ISOC1: variants seen among roughly 807,000 people sequenced by gnomAD.
ISOC1 encodes isochorismatase domain containing 1, also known as isochorismatase domain-containing protein 1.
In ISOC1, 33 loss-of-function variants were observed where a neutral mutation model predicts 30.0. The ratio of observed to expected loss-of-function variants is 1.10; its 90% CI spans 0.83 to 1.47. ISOC1 has a LOEUF of 1.47. Among genes scored for constraint, ISOC1 ranks in the 40% most tolerant of loss-of-function variants. The probability of loss-of-function intolerance (pLI) is 0.00; values close to 1 mark genes in which losing one functional copy is unlikely to be tolerated. For synonymous variants in ISOC1, 178 were observed against 159.8 expected (o/e 1.11, Z -0.86); for missense variants, 372 against 388.0 (o/e 0.96, Z 0.35).
intron 1 of ISOC1, among the ~76,000 whole-genome samples, chr5:129,099,407 T>C (rs914553494): frequency 1.3e-5 from 2 of 152,202 alleles, no homozygotes; most frequent in Non-Finnish European, 2.9e-5. Context: ...ACTGATAAGC[T>C]AGGGTTGTAA....
chr5:129,107,748 G>T (rs911133699), intron 4 of ISOC1, among the ~76,000 whole-genome samples: 2 of 152,148 alleles, frequency 1.3e-5, no homozygotes, highest in Non-Finnish European at 2.9e-5. Context: ...ATGACTATTA[G>T]ATTTCCTCAG....
intron 1 of ISOC1, among the ~76,000 whole-genome samples, chr5:129,098,624 G>A (rs1268229281): frequency 6.6e-6 from 1 of 152,136 alleles, no homozygotes; most frequent in Non-Finnish European, 1.5e-5. Flanking sequence ...GAGAAGAGAG[G>A]AGGAAATGGA....
rs1416786708 is a variant in ISOC1, at chr5:129,112,225, T to C, written c.751-630T>C. Among the ~76,000 whole-genome samples the C allele has an allele frequency of 1.4e-4, 21 of 152,134 alleles. 1 individual carries two copies. The highest frequency in any genetic ancestry group is 1.0e-3 in the Admixed American group (16 of 15,272). On this transcript the variant is annotated intron_variant, in intron 4 of 4. Coordinates refer to ENST00000173527, the MANE Select transcript of ISOC1 (RefSeq NM_016048.2). ...CTAATGGAGCTTTAAAATATTACGC[T>C]CCCCTCGATTTTTAAAACATGAAGA...
chr5:129,113,143 C>G lies in ISOC1; in HGVS notation c.*142C>G. 1 of 666,270 alleles carries G rather than the reference C, an allele frequency of 1.5e-6. No homozygotes were observed. Among genetic ancestry groups the G allele is most frequent in the Non-Finnish European group, 2.4e-6 (1 of 412,802 alleles). The allele number at this position is 666,270 out of a possible 1,614,324, so 41.3% of individuals were successfully genotyped here. ...TCCTTTTTTGCGCCTCCTAGTGAAA[C>G]TTAACCAGCTAGACCATTTGAGTAC... On this transcript the variant is annotated 3_prime_UTR_variant, in exon 5 of 5. Coordinates refer to ENST00000173527, the MANE Select transcript of ISOC1 (RefSeq NM_016048.2).
intron 4 of ISOC1, 88 bp from the exon 5 acceptor site, chr5:129,112,763 CTAAT>C: frequency 7.2e-7 from 1 of 1,391,460 alleles, no homozygotes; most frequent in Admixed American, 2.1e-5. Flanking sequence ...GTAGAGGACA[CTAAT>C]TATTGCATCC....
In ISOC1 at chr5:129,095,074, A is replaced by C. The variant is rs748267518; in HGVS notation, c.308A>C (p.Gln103Pro). The change falls in exon 1 of 5, where the codon CAG becomes CCG. Residue 103 changes from glutamine (Q) to proline (P), a missense_variant and splice_region_variant. Coordinates refer to ENST00000173527, the MANE Select transcript of ISOC1 (RefSeq NM_016048.2). ...CKVRLVPLQI[Q>P]LTTLGNLTPS... is the part of the protein sequence containing the mutation. ...GTGCGCCTCGTGCCGTTGCAGATCC[A>C]GGTGGGTCCTGCGGGAGGCCGCGCG... 1 of 1,563,854 alleles carries C rather than the reference A, an allele frequency of 6.4e-7. No individual in the cohort carries two copies. The highest frequency in any genetic ancestry group is 8.6e-7 in the Non-Finnish European group (1 of 1,159,354).
intron 3 of ISOC1, among the ~76,000 whole-genome samples, chr5:129,105,602 C>A (rs1190220390): frequency 2.0e-5 from 3 of 152,084 alleles, no homozygotes; most frequent in Non-Finnish European, 4.4e-5. Flanking sequence ...GCTAAATACT[C>A]AGTAGTCTCC....
At chr5:129,100,691 A>G (rs1236760680) in intron 1 of ISOC1, among the ~76,000 whole-genome samples, 1 of 152,130 alleles carries the variant, frequency 6.6e-6, no homozygotes, top group Non-Finnish European at 1.5e-5. Flanking sequence ...ATTTTGGTTT[A>G]AGAGAACTTC....
At chr5:129,100,523 A>G (rs1399671867) in intron 1 of ISOC1, among the ~76,000 whole-genome samples, 1 of 152,142 alleles carries the variant, frequency 6.6e-6, no homozygotes, top group Non-Finnish European at 1.5e-5. Context: ...TGATTTGTTT[A>G]TATTCCTTAA....
chr5:129,108,473 G>A (rs148422926), intron 4 of ISOC1, among the ~76,000 whole-genome samples: 1 of 151,770 alleles, frequency 6.6e-6, no homozygotes, highest in Non-Finnish European at 1.5e-5. Flanking sequence ...AAGTATTGCT[G>A]CTTCTTCCAA....
In ISOC1 at chr5:129,101,443, C is replaced by T. The variant is rs186188724; in HGVS notation, c.310-3513C>T. Among the ~76,000 whole-genome samples, 448 of 151,924 alleles carry T rather than the reference C, an allele frequency of 2.9e-3. 2 individuals are homozygous for T. The highest frequency in any genetic ancestry group is 1.0e-2 in the African/African-American group (414 of 41,404). The stretch of plus-strand genomic sequence containing the variant: ...CCAGAAGGTGGAGGTTGCAATGAGT[C>T]GAGATCACGCCACTGCACTCCAGCC... On this transcript the variant is annotated intron_variant, in intron 1 of 4. Transcript: ENST00000173527.
At chr5:129,104,553 T>C (rs1371727146) in intron 1 of ISOC1, among the ~76,000 whole-genome samples, 1 of 152,192 alleles carries the variant, frequency 6.6e-6, no homozygotes. Flanking sequence ...ACTACTACTT[T>C]TATTCATATT....
chr5:129,112,716 A>G, intron 4 of ISOC1, 139 bp from the exon 5 acceptor site: 1 of 809,460 alleles, frequency 1.2e-6, no homozygotes, highest in Non-Finnish European at 2.0e-6. Context: ...CATCCCCATC[A>G]CTGAACTTGA....
At chr5:129,099,851 G>A (rs189211838) in intron 1 of ISOC1, among the ~76,000 whole-genome samples, 20 of 152,264 alleles carry the variant, frequency 1.3e-4, no homozygotes, top group African/African-American at 4.8e-4. Context: ...CCCCTATGAT[G>A]TAGATACTAT....
chr5:129,113,117 C>A lies in ISOC1; in HGVS notation c.*116C>A. On this transcript the variant is annotated 3_prime_UTR_variant, in exon 5 of 5. Coordinates refer to ENST00000173527, the MANE Select transcript of ISOC1 (RefSeq NM_016048.2). The stretch of plus-strand genomic sequence containing the variant: ...AATTAAAATGTTAAGTCAAAAACGG[C>A]TCCTTTTTTGCGCCTCCTAGTGAAA... The A allele has an allele frequency of 3.0e-6, 3 of 1,008,188 alleles. No individual in the cohort carries two copies. Among genetic ancestry groups the A allele is most frequent in the Non-Finnish European group, 4.2e-6 (3 of 721,344 alleles). The allele number at this position is 1,008,188 out of a possible 1,614,324, so 62.5% of individuals were successfully genotyped here. A position where few individuals can be genotyped will look rare whatever the true frequency, so the allele number is the denominator to read the frequency against.
At chr5:129,104,019 A>G (rs1385783495) in intron 1 of ISOC1, among the ~76,000 whole-genome samples, 1 of 152,198 alleles carries the variant, frequency 6.6e-6, no homozygotes, top group African/African-American at 2.4e-5. Context: ...TATTGGGCCC[A>G]AATTGTTATA....
chr5:129,105,124 C>T (rs1233092859), intron 2 of ISOC1, 49 bp downstream of exon 2: 3 of 1,610,846 alleles, frequency 1.9e-6, no homozygotes, highest in South Asian at 2.2e-5. Flanking sequence ...ATCATATACA[C>T]TCATATATAC....
intron 4 of ISOC1, among the ~76,000 whole-genome samples, chr5:129,108,917 A>G (rs894955452): frequency 6.6e-6 from 1 of 152,222 alleles, no homozygotes; most frequent in African/African-American, 2.4e-5. Flanking sequence ...TCACCACCTC[A>G]GCCAGCAGCT....
At chr5:129,099,954 A>G (rs1561421438) in intron 1 of ISOC1, among the ~76,000 whole-genome samples, 1 of 152,222 alleles carries the variant, frequency 6.6e-6, no homozygotes, top group Non-Finnish European at 1.5e-5. Context: ...ATTTGCACTC[A>G]GATTCTAATG....
Sources: gnomAD v4.1 joint callset for allele counts (sites outside exome capture counted in the v4.1 genomes callset) on GRCh38, gnomAD v4.1.1 for gene constraint, MANE v1.5 for transcripts, NCBI Gene and HGNC (gene_info 2026-07-23, HGNC 2026-07-21) for gene names.